The following SLC26A3 variants were observed in gnomAD, a reference collection of about 807,000 sequenced individuals.
The protein encoded by SLC26A3 is chloride anion exchanger.
Under a neutral mutation model 85.6 loss-of-function variants are expected in SLC26A3, and 64 were observed. The ratio of observed to expected loss-of-function variants is 0.75; its 90% CI spans 0.61 to 0.92. The LOEUF (loss-of-function observed/expected upper bound fraction) is 0.92, where lower values mean the gene tolerates loss of function less well. SLC26A3 is among the 40% of genes least tolerant of loss of function. The probability of loss-of-function intolerance (pLI) is 0.00; values close to 1 mark genes in which losing one functional copy is unlikely to be tolerated. For missense variants in SLC26A3, 922 were observed against 927.3 expected, an observed-to-expected ratio of 0.99 and a Z score of 0.07; for synonymous variants, 349 against 336.0, an observed-to-expected ratio of 1.04 and a Z score of -0.42.
intron 18 of SLC26A3, 89 bp from the exon 19 acceptor site, chr7:107,767,997 G>A: frequency 8.4e-7 from 1 of 1,192,118 alleles, no homozygotes; most frequent in Non-Finnish European, 1.2e-6. Flanking sequence ...CCTTCCATTT[G>A]CAAATGTGCG....
intron 1 of SLC26A3, among the ~76,000 whole-genome samples, chr7:107,800,346 C>T (rs1794579099): frequency 6.6e-6 from 1 of 152,174 alleles, no homozygotes; most frequent in South Asian, 2.1e-4. Context: ...AACAAACAAA[C>T]AAAACACAAC....
chr7:107,786,818 C>T lies in SLC26A3; in HGVS notation c.971+9G>A, dbSNP rs1794303545. 6.2e-7 allele frequency: 1 copy of T among 1,611,098 alleles called. No homozygotes were observed. The highest frequency in any genetic ancestry group is 1.1e-5 in the South Asian group (1 of 91,020). On this transcript the variant is annotated intron_variant, in intron 8 of 20. Transcript: ENST00000340010. ...TGCATGGTGATGCCATCATCGAAGACACACTTACCCAGGATTCATGTCCCC... is the reference window on the plus strand; with the variant it reads ...TGCATGGTGATGCCATCATCGAAGATACACTTACCCAGGATTCATGTCCCC...
chr7:107,801,629 A>G (rs924010337), intron 1 of SLC26A3, among the ~76,000 whole-genome samples: 1 of 152,210 alleles, frequency 6.6e-6, no homozygotes, highest in Non-Finnish European at 1.5e-5. Flanking sequence ...TTTGTTTCTT[A>G]GTCGAATATG....
chr7:107,766,565 C>T (rs1793918900), intron 20 of SLC26A3, among the ~76,000 whole-genome samples: 1 of 152,136 alleles, frequency 6.6e-6, no homozygotes, highest in Admixed American at 6.6e-5. Context: ...TTCATCTGAC[C>T]TTTGCTACTT....
chr7:107,794,274 A>C (rs879886163), intron 2 of SLC26A3, 105 bp downstream of exon 2: 27 of 1,282,240 alleles, frequency 2.1e-5, no homozygotes, highest in Non-Finnish European at 2.9e-5. Context: ...AAAGGACTGT[A>C]GGCTGTGGAC....
chr7:107,776,691 C>G lies in SLC26A3; in HGVS notation c.1530G>C (p.Thr510=). 1 of 1,613,590 alleles carries G rather than the reference C, an allele frequency of 6.2e-7. No homozygotes were observed. Among genetic ancestry groups the G allele is most frequent in the African/African-American group, 1.3e-5 (1 of 75,050 alleles). Residue 510 remains threonine, a synonymous_variant, in exon 14 of 21, where the codon ACG becomes ACC. Coordinates refer to ENST00000340010, the MANE Select transcript of SLC26A3 (RefSeq NM_000111.3). ...VFRTQFPKCS[T]LANIGRTNIY... ...TGTTGGTTCTTCCAATATTAGCCAGCGTGCTGCATTTTGGACTGTAGGGAG... is the reference window on the plus strand; with the variant it reads ...TGTTGGTTCTTCCAATATTAGCCAGGGTGCTGCATTTTGGACTGTAGGGAG...
intron 1 of SLC26A3, among the ~76,000 whole-genome samples, chr7:107,797,921 T>A (rs1047462774): frequency 6.6e-6 from 1 of 152,072 alleles, no homozygotes; most frequent in Non-Finnish European, 1.5e-5. Flanking sequence ...GAATCACAAT[T>A]CCAATTTCAA....
intron 18 of SLC26A3, among the ~76,000 whole-genome samples, chr7:107,769,756 A>T (rs1021433568): frequency 6.6e-6 from 1 of 152,184 alleles, no homozygotes; most frequent in African/African-American, 2.4e-5. Context: ...TGAAACTAGA[A>T]TATGTCTGTA....
Position 107,779,728 on chromosome 7 carries a change from C to T in SLC26A3, c.1347G>A (p.Lys449=). ...TTTCAGCAAACTGCATCAGCATTCC[C>T]TTTAAGTTTCCCAATGCTAAAGCTG... ...VLAALALGNL[K]GMLMQFAEIG... The change falls in exon 12 of 21, where the codon AAG becomes AAA. Residue 449 remains lysine, a synonymous_variant. Coordinates refer to ENST00000340010, the MANE Select transcript of SLC26A3 (RefSeq NM_000111.3). 6.2e-7 allele frequency: 1 copy of T among 1,614,002 alleles called. No individual in the cohort carries two copies. Among genetic ancestry groups the T allele is most frequent in the Non-Finnish European group, 8.5e-7 (1 of 1,179,956 alleles).
intron 11 of SLC26A3, among the ~76,000 whole-genome samples, chr7:107,780,488 A>G (rs1794199264): frequency 6.6e-6 from 1 of 152,128 alleles, no homozygotes; most frequent in Non-Finnish European, 1.5e-5. Context: ...TATTCTCTTC[A>G]TTCTTTGGAT....
Position 107,791,527 on chromosome 7 carries a change from G to T in SLC26A3, c.383-292C>A, listed in dbSNP as rs188454193. Among the ~76,000 whole-genome samples the T allele has an allele frequency of 6.0e-3, 916 of 152,198 alleles. 9 individuals are homozygous for T. The highest frequency in any genetic ancestry group is 0.021 in the African/African-American group (874 of 41,524). On this transcript the variant is annotated intron_variant, in intron 4 of 20. Transcript: ENST00000340010. The stretch of plus-strand genomic sequence containing the variant: ...CTTGGGAGGCTGAGGCAGGAGAATC[G>T]CTTGAACCTGGGAGGTGGAGGTTGC...
intron 5 of SLC26A3, among the ~76,000 whole-genome samples, chr7:107,790,092 C>G (rs147966024): frequency 6.6e-6 from 1 of 152,216 alleles, no homozygotes; most frequent in South Asian, 2.1e-4. Flanking sequence ...TGCTGGAGCA[C>G]GCATGAGCGA....
intron 16 of SLC26A3, 119 bp from the exon 17 acceptor site, chr7:107,774,272 C>G (rs1191620869): frequency 2.4e-6 from 2 of 826,260 alleles, no homozygotes; most frequent in Non-Finnish European, 4.1e-6. Flanking sequence ...TGGGATTGGA[C>G]TAGGTGTGGT....
rs562941919 is a variant in SLC26A3, at chr7:107,788,379, G to T, written c.736-870C>A. Among the ~76,000 whole-genome samples the T allele has an allele frequency of 4.5e-4, 69 of 152,148 alleles. 1 individual carries two copies. The highest frequency in any genetic ancestry group is 1.5e-3 in the African/African-American group (64 of 41,512). ...CTAAGAACACTATCTGTTCTACTTT[G>T]CATCCTCTGGAGGAGGGGAGAACTG... On this transcript the variant is annotated intron_variant, in intron 6 of 20. Coordinates refer to ENST00000340010, the MANE Select transcript of SLC26A3 (RefSeq NM_000111.3).
chr7:107,802,331 G>A (rs1442605328), intron 1 of SLC26A3, among the ~76,000 whole-genome samples: 2 of 151,902 alleles, frequency 1.3e-5, no homozygotes, highest in Non-Finnish European at 2.9e-5. Flanking sequence ...CATTACTAAT[G>A]TATTATATTA....
intron 18 of SLC26A3, among the ~76,000 whole-genome samples, chr7:107,771,244 G>C (rs979011832): frequency 1.3e-5 from 2 of 152,154 alleles, no homozygotes; most frequent in Admixed American, 6.5e-5. Context: ...ATTTTTGGGA[G>C]GGGGAATCAT....
intron 1 of SLC26A3, among the ~76,000 whole-genome samples, chr7:107,800,160 C>A (rs960972876): frequency 6.6e-6 from 1 of 152,154 alleles, no homozygotes; most frequent in Admixed American, 6.6e-5. Flanking sequence ...CCTTTGTGTT[C>A]TTCTTCTCCA....
rs1444704449 is a variant in SLC26A3 at position 107,789,113 on chromosome 7, C to CTTT, written c.735+408_735+410dup. Among the ~76,000 whole-genome samples the CTTT allele has an allele frequency of 1.0e-3, 127 of 124,838 alleles. 1 individual carries two copies. Among genetic ancestry groups the CTTT allele is most frequent in the African/African-American group, 3.5e-3 (118 of 33,582 alleles). 81.9% of individuals were successfully genotyped at this position (124,838 alleles called of 152,430 possible). ...CTTTACTTTCTTTTTCTTTTCTTTT[C>CTTT]TTTTTCTTTTTTTTTTTTTTGAGAC... On this transcript the variant is annotated intron_variant, in intron 6 of 20. Coordinates refer to ENST00000340010, the MANE Select transcript of SLC26A3 (RefSeq NM_000111.3).
At chr7:107,799,768 A>G (rs920933334) in intron 1 of SLC26A3, among the ~76,000 whole-genome samples, 6 of 152,184 alleles carry the variant, frequency 3.9e-5, no homozygotes, top group African/African-American at 1.4e-4. Context: ...AGCAGGGTAT[A>G]CAAAGGGAGA....
Sources: allele counts gnomAD v4.1 joint callset (sites outside exome capture counted in the v4.1 genomes callset), GRCh38; gene constraint gnomAD v4.1.1; transcripts MANE v1.5; gene names NCBI Gene and HGNC (gene_info 2026-07-23, HGNC 2026-07-21).